The following BMPR1A variants were observed in gnomAD, a reference collection of about 807,000 sequenced individuals.
BMPR1A encodes bone morphogenetic protein receptor type 1A, also known as bone morphogenetic protein receptor type-1A.
In BMPR1A, 7 loss-of-function variants were observed where a neutral mutation model predicts 66.0. That is an observed-to-expected ratio of 0.11 (90% CI 0.06 to 0.20). The LOEUF is 0.20. Ranked by LOEUF, BMPR1A falls within the 10% of genes least tolerant of loss-of-function variation. The pLI, the probability that BMPR1A is intolerant of heterozygous loss-of-function variation, is 1.00. For missense variants in BMPR1A, 408 were observed against 669.1 expected (o/e 0.61, Z 4.31); for synonymous variants, 200 against 229.7 (o/e 0.87, Z 1.17).
chr10:86,841,804 A>G (rs1842427674), intron 2 of BMPR1A, among the ~76,000 whole-genome samples: 1 of 152,086 alleles, frequency 6.6e-6, no homozygotes, highest in Non-Finnish European at 1.5e-5. Context: ...GGAGGGGAGA[A>G]GGGCGAAGGT....
chr10:86,802,141 G>A (rs960616681), intron 1 of BMPR1A, among the ~76,000 whole-genome samples: 7 of 152,106 alleles, frequency 4.6e-5, no homozygotes, highest in African/African-American at 1.7e-4. Flanking sequence ...TGGCACAGCT[G>A]GCTCTCCTGT....
intron 1 of BMPR1A, among the ~76,000 whole-genome samples, chr10:86,773,597 GAAAA>G (rs71019429): frequency 2.3e-4 from 23 of 99,862 alleles, no homozygotes; most frequent in South Asian, 7.4e-4. Flanking sequence ...GTCTCAGAAA[GAAAA>G]AAAAAAAAAA....
At chr10:86,903,329 C>T (rs940422309) in intron 7 of BMPR1A, among the ~76,000 whole-genome samples, 1 of 151,928 alleles carries the variant, frequency 6.6e-6, no homozygotes, top group Admixed American at 6.6e-5. Context: ...TAAATCAAGA[C>T]ATGGCAGATT....
At chr10:86,932,303 T>C (rs774884068), downstream of BMPR1A, 2 of 152,274 alleles carry the variant, frequency 1.3e-5, no homozygotes, top group Admixed American at 6.5e-5. Flanking sequence ...AAAGTTCACA[T>C]TGATACAATA....
chr10:86,818,683 G>A (rs965601444), intron 1 of BMPR1A, among the ~76,000 whole-genome samples: 3 of 152,138 alleles, frequency 2.0e-5, no homozygotes, highest in South Asian at 2.1e-4. Context: ...GATAAATGTA[G>A]AAGTTATTTT....
intron 1 of BMPR1A, among the ~76,000 whole-genome samples, chr10:86,833,804 G>A (rs1479256510): frequency 6.6e-6 from 1 of 152,136 alleles, no homozygotes; most frequent in Non-Finnish European, 1.5e-5. Context: ...TGATGTATCT[G>A]TTCCTAAGTC....
chr10:86,864,716 C>A (rs899391031), intron 2 of BMPR1A, among the ~76,000 whole-genome samples: 1 of 152,144 alleles, frequency 6.6e-6, no homozygotes, highest in African/African-American at 2.4e-5. Context: ...TGTCCTGGGT[C>A]TCCCAATTCT....
chr10:86,760,188 G>GTGTTT (rs764715631), intron 1 of BMPR1A, among the ~76,000 whole-genome samples: 14 of 53,366 alleles, frequency 2.6e-4, no homozygotes, highest in East Asian at 4.8e-4. Flanking sequence ...AGATTTACCT[G>GTGTTT]TTTTTTTTTT....
At chr10:86,872,494 C>T (rs988887206) in intron 2 of BMPR1A, among the ~76,000 whole-genome samples, 2 of 152,028 alleles carry the variant, frequency 1.3e-5, no homozygotes, top group African/African-American at 2.4e-5. Context: ...GTTTCTTCAT[C>T]TGTAAAATTA....
intron 1 of BMPR1A, among the ~76,000 whole-genome samples, chr10:86,764,264 TTAAAG>T (rs1168002773): frequency 2.0e-5 from 3 of 152,252 alleles, no homozygotes; most frequent in Non-Finnish European, 2.9e-5. Context: ...TTAGAAAATA[TTAAAG>T]TAAAGGCTGT....
intron 1 of BMPR1A, among the ~76,000 whole-genome samples, chr10:86,812,905 C>A (rs984289714): frequency 1.3e-5 from 2 of 152,134 alleles, no homozygotes; most frequent in African/African-American, 4.8e-5. Flanking sequence ...TGTCTATTCA[C>A]CATTATGGTA....
chr10:86,759,986 C>T (rs1841011690), intron 1 of BMPR1A, among the ~76,000 whole-genome samples: 1 of 147,118 alleles, frequency 6.8e-6, no homozygotes, highest in Non-Finnish European at 1.5e-5. Flanking sequence ...TCCACCCCCA[C>T]CCCCTAACTC....
At chr10:86,791,627 C>A (rs1841620682) in intron 1 of BMPR1A, among the ~76,000 whole-genome samples, 1 of 151,764 alleles carries the variant, frequency 6.6e-6, no homozygotes, top group Non-Finnish European at 1.5e-5. Flanking sequence ...AAAAAAAGCC[C>A]TGTCCATCTC....
In BMPR1A at chr10:86,925,801, C is replaced by T. The variant is rs1843732471; in HGVS notation, c.*2082C>T. The stretch of plus-strand genomic sequence containing the variant: ...GGACTGCAGTGGCGCAATCTCGGCT[C>T]ACTGCAAGCTCCGCTTCCCGGGTTC... On this transcript the variant is annotated 3_prime_UTR_variant, in exon 13 of 13. Coordinates refer to ENST00000372037, the MANE Select transcript of BMPR1A (RefSeq NM_004329.3). 1.3e-5 allele frequency: 2 copies of T among 150,734 alleles called. No individual in the cohort carries two copies. Among genetic ancestry groups the T allele is most frequent in the Non-Finnish European group, 2.7e-5 (2 of 73,386 alleles). The allele number at this position is 150,734 out of a possible 1,614,324, so 9.3% of individuals were successfully genotyped here.
rs986670803 is a variant in BMPR1A, at chr10:86,776,021, GTC to G, written c.-268+19108_-268+19109del. Among the ~76,000 whole-genome samples, 5 of 152,136 alleles carry G rather than the reference GTC, an allele frequency of 3.3e-5. No individual in the cohort carries two copies. The East Asian group carries it at 9.7e-4, about 29-fold the overall frequency. ...TCTCCAACTCCTGACACCTTCCATT[GTC>G]TCTCTTTTTCTATTTGCCTTCTTGT... is the stretch of plus-strand genomic sequence containing the variant. On this transcript the variant is annotated intron_variant, in intron 1 of 12. Transcript: ENST00000372037.
chr10:86,832,303 T>C (rs1842280603), intron 1 of BMPR1A, among the ~76,000 whole-genome samples: 1 of 151,958 alleles, frequency 6.6e-6, no homozygotes. Flanking sequence ...CTGTCTCTAC[T>C]AAAAATACAA....
At chr10:86,875,666 G>A (rs1842911682) in intron 2 of BMPR1A, among the ~76,000 whole-genome samples, 1 of 151,824 alleles carries the variant, frequency 6.6e-6, no homozygotes, top group Non-Finnish European at 1.5e-5. Context: ...CTGAGGTCAG[G>A]AGAGGTTGCA....
At chr10:86,804,802 T>TG (rs1764824500) in intron 1 of BMPR1A, among the ~76,000 whole-genome samples, 1 of 150,346 alleles carries the variant, frequency 6.7e-6, no homozygotes, top group Non-Finnish European at 1.5e-5. Flanking sequence ...GTTTTTTTTT[T>TG]TTTTTTTTTT....
At chr10:86,805,229 T>G (rs943615951) in intron 1 of BMPR1A, among the ~76,000 whole-genome samples, 1 of 152,184 alleles carries the variant, frequency 6.6e-6, no homozygotes, top group African/African-American at 2.4e-5. Context: ...TAATTCATTT[T>G]TATTATTTTG....
Sources: allele counts gnomAD v4.1 joint callset (sites outside exome capture counted in the v4.1 genomes callset), GRCh38; gene constraint gnomAD v4.1.1; transcripts MANE v1.5; gene names NCBI Gene and HGNC (gene_info 2026-07-23, HGNC 2026-07-21).